Variants in CFAP299 observed in about 807,000 individuals in gnomAD.
CFAP299 encodes cilia- and flagella-associated protein 299.
CFAP299 carries 21 observed loss-of-function variants against 27.0 expected under a neutral mutation model. The ratio of observed to expected loss-of-function variants is 0.78; its 90% CI spans 0.55 to 1.12. CFAP299 has a LOEUF of 1.12. CFAP299 is among the 50% of genes most tolerant of loss of function. The pLI is 0.00. For missense variants in CFAP299, 310 were observed against 276.6 expected (o/e 1.12, Z -0.86); for synonymous variants, 104 against 98.1 (o/e 1.06, Z -0.36).
intron 2 of CFAP299, among the ~76,000 whole-genome samples, chr4:80,410,267 G>T (rs771356292): frequency 6.6e-6 from 1 of 152,144 alleles, no homozygotes; most frequent in Non-Finnish European, 1.5e-5. Context: ...GGTAACCAAG[G>T]AATACGGGGA....
intron 2 of CFAP299, among the ~76,000 whole-genome samples, chr4:80,514,935 A>C (rs568965529): frequency 1.3e-5 from 2 of 152,070 alleles, no homozygotes; most frequent in African/African-American, 2.4e-5. Context: ...AGTTTTCTTA[A>C]TTCAAAGAGT....
At chr4:80,434,633 A>G (rs1377834674) in intron 2 of CFAP299, among the ~76,000 whole-genome samples, 1 of 152,216 alleles carries the variant, frequency 6.6e-6, no homozygotes, top group African/African-American at 2.4e-5. Context: ...TATAATGAAC[A>G]AGCACTAAAC....
intron 4 of CFAP299, among the ~76,000 whole-genome samples, chr4:80,928,601 G>T (rs546039435): frequency 6.6e-6 from 1 of 152,052 alleles, no homozygotes; most frequent in Non-Finnish European, 1.5e-5. Context: ...TTTCATAGTC[G>T]TAAAATTTGA....
intron 3 of CFAP299, among the ~76,000 whole-genome samples, chr4:80,847,046 C>A (rs768388562): frequency 3.3e-5 from 5 of 152,138 alleles, no homozygotes; most frequent in Admixed American, 3.3e-4. Context: ...TTCTTGGAGT[C>A]TGAACTGAAA....
intron 3 of CFAP299, among the ~76,000 whole-genome samples, chr4:80,807,280 A>G (rs1040651337): frequency 2.0e-5 from 3 of 152,174 alleles, no homozygotes; most frequent in African/African-American, 7.2e-5. Flanking sequence ...TTTTAAACAA[A>G]AATATTTTTA....
intron 3 of CFAP299, among the ~76,000 whole-genome samples, chr4:80,609,923 G>A (rs1454784237): frequency 6.6e-6 from 1 of 152,020 alleles, no homozygotes. Context: ...AAAAATTCTA[G>A]ACTATGTTTG....
At chr4:80,688,049 A>T (rs576710037) in intron 3 of CFAP299, among the ~76,000 whole-genome samples, 1 of 152,308 alleles carries the variant, frequency 6.6e-6, no homozygotes, top group African/African-American at 2.4e-5. Context: ...ACACCCACGG[A>T]GTCTCGCTGA....
chr4:80,856,024 C>T (rs1299986443), intron 3 of CFAP299, among the ~76,000 whole-genome samples: 3 of 151,486 alleles, frequency 2.0e-5, no homozygotes, highest in South Asian at 2.1e-4. Flanking sequence ...GTCCCACCAA[C>T]AGTGTAAAAG....
chr4:80,500,904 A>G (rs1189899010), intron 2 of CFAP299, among the ~76,000 whole-genome samples: 2 of 152,118 alleles, frequency 1.3e-5, no homozygotes, highest in Non-Finnish European at 2.9e-5. Context: ...GTGGCACTTT[A>G]GATTTCCTGG....
chr4:80,870,051 A>G lies in CFAP299; in HGVS notation c.392A>G (p.Asp131Gly), dbSNP rs1420280583. 2 of 1,613,628 alleles carry G rather than the reference A, an allele frequency of 1.2e-6. No homozygotes were observed. The highest frequency in any genetic ancestry group is 1.3e-5 in the African/African-American group (1 of 74,928). The change falls in exon 4 of 6, where the codon GAC becomes GGC. Residue 131 changes from aspartate to glycine, a missense_variant. Asp to Gly is a moderately conservative substitution (Grantham distance 94). Transcript: ENST00000358105. ...GGGCAAGAGATATCAGGATACATCG[A>G]CTATGCCCACAGGCTAAAGACGGAA... ...SHGQEISGYI[D>G]YAHRLKTEDF...
chr4:80,638,761 C>T (rs572592508), intron 3 of CFAP299, among the ~76,000 whole-genome samples: 6 of 152,308 alleles, frequency 3.9e-5, no homozygotes, highest in African/African-American at 1.4e-4. Context: ...TCATGGGTGC[C>T]TGCAGTCACT....
chr4:80,339,461 A>C (rs1174076553), intron 1 of CFAP299, among the ~76,000 whole-genome samples: 2 of 152,238 alleles, frequency 1.3e-5, no homozygotes, highest in Non-Finnish European at 2.9e-5. Flanking sequence ...ATGCTTGCTT[A>C]GGAAGAAAGA....
At chr4:80,397,337 G>A (rs1725858044) in intron 2 of CFAP299, among the ~76,000 whole-genome samples, 1 of 152,014 alleles carries the variant, frequency 6.6e-6, no homozygotes, top group Non-Finnish European at 1.5e-5. Context: ...ACCAGCTCCT[G>A]GATTCATTGA....
chr4:80,436,794 TC>T (rs931061963), intron 2 of CFAP299, among the ~76,000 whole-genome samples: 2 of 152,142 alleles, frequency 1.3e-5, no homozygotes, highest in African/African-American at 4.8e-5. Context: ...CTGTCTTTTG[TC>T]CCCTGCATTG....
At chr4:80,711,570 T>C (rs1317668975) in intron 3 of CFAP299, among the ~76,000 whole-genome samples, 2 of 152,150 alleles carry the variant, frequency 1.3e-5, no homozygotes, top group African/African-American at 2.4e-5. Flanking sequence ...ATATTTATTT[T>C]ACGGATGAGG....
At chr4:80,440,865 A>G (rs1044345163) in intron 2 of CFAP299, among the ~76,000 whole-genome samples, 5 of 152,250 alleles carry the variant, frequency 3.3e-5, no homozygotes, top group African/African-American at 1.2e-4. Flanking sequence ...AAGAACATAA[A>G]TAACCTGATG....
intron 2 of CFAP299, among the ~76,000 whole-genome samples, chr4:80,529,699 G>T (rs754991141): frequency 6.6e-6 from 1 of 151,764 alleles, no homozygotes; most frequent in Non-Finnish European, 1.5e-5. Flanking sequence ...AGAAGCTGAA[G>T]ATTCCTTGCT....
intron 2 of CFAP299, among the ~76,000 whole-genome samples, chr4:80,414,550 TAG>T: frequency 6.6e-6 from 1 of 152,328 alleles, no homozygotes; most frequent in East Asian, 1.9e-4. Flanking sequence ...GCACAATAAT[TAG>T]GTCAATGATT....
intron 5 of CFAP299, among the ~76,000 whole-genome samples, chr4:80,946,848 G>A (rs1737504409): frequency 6.6e-6 from 1 of 152,092 alleles, no homozygotes; most frequent in Non-Finnish European, 1.5e-5. Context: ...TTAATAAATA[G>A]CATTTCCAGA....
Sources: gnomAD v4.1 joint callset for allele counts (sites outside exome capture counted in the v4.1 genomes callset) on GRCh38, gnomAD v4.1.1 for gene constraint, MANE v1.5 for transcripts, NCBI Gene and HGNC (gene_info 2026-07-23, HGNC 2026-07-21) for gene names.